CSMD3: variants seen among roughly 807,000 people sequenced by gnomAD.
The protein encoded by CSMD3 is CUB and sushi domain-containing protein 3.
A neutral mutation model predicts 435.2 loss-of-function variants in CSMD3; 177 were observed. That is an observed-to-expected ratio of 0.41 (90% CI 0.36 to 0.46). The LOEUF (loss-of-function observed/expected upper bound fraction) is 0.46, where lower values mean the gene tolerates loss of function less well. Among genes scored for constraint, CSMD3 ranks in the 20% least tolerant of loss-of-function variants. The probability of loss-of-function intolerance (pLI) is 0.34; values close to 1 mark genes in which losing one functional copy is unlikely to be tolerated. For missense variants in CSMD3, 4,265 were observed against 4,504.6 expected, an observed-to-expected ratio of 0.95 and a Z score of 1.52; for synonymous variants, 1,656 against 1,520.5, an observed-to-expected ratio of 1.09 and a Z score of -2.07.
chr8:112,973,651 A>G (rs981471434), intron 7 of CSMD3, among the ~76,000 whole-genome samples: 1 of 151,874 alleles, frequency 6.6e-6, no homozygotes, highest in East Asian at 1.9e-4. Flanking sequence ...AGATAGTTTC[A>G]TAACTAAGAG....
At chr8:112,286,055 G>A (rs1314401770) in intron 58 of CSMD3, among the ~76,000 whole-genome samples, 1 of 152,008 alleles carries the variant, frequency 6.6e-6, no homozygotes, top group Non-Finnish European at 1.5e-5. Context: ...CTCTGAGTCA[G>A]AACAATTAAA....
intron 1 of CSMD3, among the ~76,000 whole-genome samples, chr8:113,413,648 A>C (rs2094569251): frequency 6.6e-6 from 1 of 152,204 alleles, no homozygotes; most frequent in Non-Finnish European, 1.5e-5. Context: ...GGCAAAGAGT[A>C]ATGTGGGAGT....
intron 5 of CSMD3, among the ~76,000 whole-genome samples, chr8:113,056,292 TGAA>T (rs1353233728): frequency 6.6e-5 from 10 of 152,260 alleles, no homozygotes; most frequent in Non-Finnish European, 1.2e-4. Flanking sequence ...CTGCAACTAC[TGAA>T]TGCCAGTGTT....
At chr8:112,465,006 G>T (rs1817819042) in intron 32 of CSMD3, among the ~76,000 whole-genome samples, 2 of 152,114 alleles carry the variant, frequency 1.3e-5, no homozygotes, top group African/African-American at 4.8e-5. Flanking sequence ...CTTACAATAG[G>T]CTTGACAAAT....
chr8:112,839,512 T>G (rs560791472), intron 11 of CSMD3, among the ~76,000 whole-genome samples: 7 of 151,898 alleles, frequency 4.6e-5, no homozygotes, highest in African/African-American at 1.7e-4. Flanking sequence ...CAACTTGAAT[T>G]TACAGATTTT....
At chr8:112,274,925 G>A (rs1402931676) in intron 59 of CSMD3, among the ~76,000 whole-genome samples, 5 of 152,202 alleles carry the variant, frequency 3.3e-5, no homozygotes, top group South Asian at 4.1e-4. Context: ...GTTTAACTAC[G>A]CTGCGTGGTG....
In CSMD3 at chr8:112,258,733, T is replaced by A. The variant is rs1816058546; in HGVS notation, c.9863-3306A>T. Among the ~76,000 whole-genome samples the A allele has an allele frequency of 2.0e-5, 3 of 152,130 alleles. No homozygotes were observed. The South Asian group carries it at 6.2e-4, about 31-fold the overall frequency. On this transcript the variant is annotated intron_variant, in intron 61 of 70. Transcript: ENST00000297405. ...AGACAGTGTGGCGATTCCTCAAGCA[T>A]CTAGAACTAGAAATACCATTTGATG...
intron 1 of CSMD3, among the ~76,000 whole-genome samples, chr8:113,370,160 CATA>C (rs1254563286): frequency 6.6e-6 from 1 of 150,722 alleles, no homozygotes; most frequent in African/African-American, 2.4e-5. Flanking sequence ...TCATGTTGTA[CATA>C]ATAAATACAT....
chr8:113,265,977 A>C (rs1382096085), intron 3 of CSMD3, among the ~76,000 whole-genome samples: 1 of 151,546 alleles, frequency 6.6e-6, no homozygotes, highest in Admixed American at 6.6e-5. Flanking sequence ...AAAATCCATT[A>C]ACTTTTTATG....
intron 17 of CSMD3, among the ~76,000 whole-genome samples, chr8:112,662,482 GA>G (rs1354382795): frequency 2.6e-5 from 4 of 152,020 alleles, no homozygotes; most frequent in African/African-American, 9.7e-5. Flanking sequence ...GTAGAAAGCT[GA>G]AACTGGATCC....
At chr8:113,116,036 T>C (rs2131615675) in intron 4 of CSMD3, among the ~76,000 whole-genome samples, 1 of 152,320 alleles carries the variant, frequency 6.6e-6, no homozygotes, top group Non-Finnish European at 1.5e-5. Context: ...AGCTTGATCT[T>C]GGACTTCCCT....
chr8:113,160,177 T>C (rs1190783262), intron 4 of CSMD3, among the ~76,000 whole-genome samples: 1 of 151,998 alleles, frequency 6.6e-6, no homozygotes, highest in East Asian at 1.9e-4. Flanking sequence ...TATATGTATG[T>C]ATGACTTTGT....
chr8:113,158,604 C>A (rs1461384053), intron 4 of CSMD3, among the ~76,000 whole-genome samples: 2 of 151,892 alleles, frequency 1.3e-5, no homozygotes, highest in East Asian at 1.9e-4. Flanking sequence ...ATGCCTATCC[C>A]TGAATATAAA....
intron 40 of CSMD3, among the ~76,000 whole-genome samples, chr8:112,346,765 G>T (rs555677593): frequency 8.0e-6 from 1 of 125,346 alleles, no homozygotes; most frequent in South Asian, 2.8e-4. Flanking sequence ...TGCAAGCTCC[G>T]CCTCCCGGGT....
intron 32 of CSMD3, among the ~76,000 whole-genome samples, chr8:112,457,102 C>T (rs377106728): frequency 1.3e-5 from 2 of 152,154 alleles, no homozygotes; most frequent in African/African-American, 4.8e-5. Context: ...CATCCTTCTT[C>T]GGATAGGATT....
chr8:113,284,453 T>G (rs2093632357), intron 2 of CSMD3, among the ~76,000 whole-genome samples: 1 of 152,226 alleles, frequency 6.6e-6, no homozygotes, highest in South Asian at 2.1e-4. Flanking sequence ...AGAAAATTTC[T>G]ATAGCTTAAG....
chr8:112,562,757 G>T (rs1281224658), intron 24 of CSMD3, among the ~76,000 whole-genome samples: 1 of 151,494 alleles, frequency 6.6e-6, no homozygotes, highest in Non-Finnish European at 1.5e-5. Flanking sequence ...CATGAGTCTT[G>T]CAAGAAAACA....
At chr8:112,942,673 A>C (rs1442370676) in intron 9 of CSMD3, among the ~76,000 whole-genome samples, 1 of 151,750 alleles carries the variant, frequency 6.6e-6, no homozygotes, top group Non-Finnish European at 1.5e-5. Context: ...GTACACGTGG[A>C]CACAAAGAAG....
At chr8:113,145,090 G>A (rs1418319689) in intron 4 of CSMD3, among the ~76,000 whole-genome samples, 1 of 151,480 alleles carries the variant, frequency 6.6e-6, no homozygotes, top group Non-Finnish European at 1.5e-5. Context: ...GTGCAGAACT[G>A]ATAATATACT....
Sources: gnomAD v4.1 joint callset for allele counts (sites outside exome capture counted in the v4.1 genomes callset) on GRCh38, gnomAD v4.1.1 for gene constraint, MANE v1.5 for transcripts, NCBI Gene and HGNC (gene_info 2026-07-23, HGNC 2026-07-21) for gene names.